Variants in MAGI2 observed in about 807,000 individuals in gnomAD.
The protein encoded by MAGI2 is membrane associated guanylate kinase, WW and PDZ domain containing 2.
Under a neutral mutation model 133.3 loss-of-function variants are expected in MAGI2, and 35 were observed. The observed-to-expected ratio is 0.26, with a 90% CI of 0.20 to 0.35. The LOEUF (loss-of-function observed/expected upper bound fraction) is 0.35. MAGI2 is among the 10% of genes least tolerant of loss of function. The probability of loss-of-function intolerance (pLI) is 1.00; values close to 1 mark genes in which losing one functional copy is unlikely to be tolerated. For synonymous variants in MAGI2, 729 were observed against 710.6 expected (o/e 1.03, Z -0.41); for missense variants, 1,636 against 1,863.4 (o/e 0.88, Z 2.25).
chr7:78,546,676 A>ATC lies in MAGI2; in HGVS notation c.539-25033_539-25032dup, dbSNP rs3086440. Among the ~76,000 whole-genome samples the ATC allele has an allele frequency of 6.4e-3, 968 of 150,728 alleles. 3 individuals carry two copies. The highest frequency in any genetic ancestry group is 9.7e-3 in the Non-Finnish European group (659 of 67,632). On this transcript the variant is annotated intron_variant, in intron 3 of 21. Coordinates refer to ENST00000354212, the MANE Select transcript of MAGI2 (RefSeq NM_012301.4). ...ATCACACCCGTTGTCAAAGATCCTC[A>ATC]TCTCTCTCTCTCTCTCTCTCTCTCT... is the stretch of plus-strand genomic sequence containing the variant.
chr7:78,026,082 G>A (rs1411666146), intron 21 of MAGI2: 1 of 152,524 alleles, frequency 6.6e-6, no homozygotes, highest in African/African-American at 2.4e-5. Flanking sequence ...CCTATTGTCA[G>A]TTCTAGCCAG....
chr7:79,343,064 T>C (rs66650670), intron 1 of MAGI2, among the ~76,000 whole-genome samples: 47,146 of 151,946 alleles, frequency 0.31, 7,611 homozygotes, highest in Admixed American at 0.38. Flanking sequence ...ATGCCCGGCC[T>C]GAGGAAGCAC....
chr7:78,203,115 G>A (rs1157033387), intron 10 of MAGI2, among the ~76,000 whole-genome samples: 1 of 152,104 alleles, frequency 6.6e-6, no homozygotes, highest in African/African-American at 2.4e-5. Context: ...GCACTTTTGC[G>A]AAAAGATGTC....
chr7:78,104,273 A>C (rs1190483609), intron 20 of MAGI2, among the ~76,000 whole-genome samples: 3 of 152,106 alleles, frequency 2.0e-5, no homozygotes, highest in African/African-American at 4.8e-5. Flanking sequence ...CCCAGGCTGG[A>C]CTGCAGTGGC....
chr7:78,571,663 T>A (rs1244057528), intron 3 of MAGI2, among the ~76,000 whole-genome samples: 3 of 152,054 alleles, frequency 2.0e-5, no homozygotes, highest in Admixed American at 2.0e-4. Context: ...TCTTGAAATG[T>A]TAGGTTTGAT....
chr7:78,703,839 C>T (rs901963746), intron 2 of MAGI2, among the ~76,000 whole-genome samples: 1 of 151,972 alleles, frequency 6.6e-6, no homozygotes, highest in African/African-American at 2.4e-5. Context: ...CACAAACACA[C>T]ACACACACAC....
At chr7:78,458,638 G>GCTTT (rs201088493) in intron 6 of MAGI2, among the ~76,000 whole-genome samples, 1 of 134,840 alleles carries the variant, frequency 7.4e-6, no homozygotes. Context: ...TTTTTTGTTA[G>GCTTT]GTTTTTTTTT....
chr7:78,469,030 T>C (rs139984776), intron 6 of MAGI2, among the ~76,000 whole-genome samples: 179 of 152,266 alleles, frequency 1.2e-3, no homozygotes, highest in Middle Eastern at 3.4e-3. Flanking sequence ...AAATAAACAA[T>C]AAACCAGTGA....
intron 9 of MAGI2, among the ~76,000 whole-genome samples, chr7:78,324,158 T>TAC (rs151095024): frequency 0.058 from 8,003 of 138,826 alleles, 502 homozygotes; most frequent in African/African-American, 0.17. Flanking sequence ...CACTACACAC[T>TAC]ACACTACACT....
rs117235086 is a variant in MAGI2 at position 78,799,412 on chromosome 7, A to T, written c.419-172173T>A. On this transcript the variant is annotated intron_variant, in intron 2 of 21. Coordinates refer to ENST00000354212, the MANE Select transcript of MAGI2 (RefSeq NM_012301.4). Reference sequence around the variant, plus strand: ...ATGAATGTCAAAATGATTTACTGAAAATAACTGAAGCCGTACTTATTAATG... The same window carrying T: ...ATGAATGTCAAAATGATTTACTGAATATAACTGAAGCCGTACTTATTAATG... 8.5e-3 allele frequency among the ~76,000 whole-genome samples: 1,297 copies of T among 152,278 alleles called. 42 individuals are homozygous for T. The highest frequency in any genetic ancestry group is 0.05 in the Admixed American group (769 of 15,288).
At chr7:79,118,601 C>T (rs1819606663) in intron 1 of MAGI2, among the ~76,000 whole-genome samples, 1 of 152,128 alleles carries the variant, frequency 6.6e-6, no homozygotes, top group Non-Finnish European at 1.5e-5. Context: ...AAGCAGAAAA[C>T]TCTGGTGATA....
chr7:78,277,051 T>C lies in MAGI2; in HGVS notation c.1409-20470A>G, dbSNP rs189750038. 7.2e-5 allele frequency among the ~76,000 whole-genome samples: 11 copies of C among 152,328 alleles called. No homozygotes were observed. In the East Asian group the frequency reaches 1.9e-3, roughly 27 times the overall value. The stretch of plus-strand genomic sequence containing the variant: ...GTTCTATTTTTACTAATTTAACTAC[T>C]AGTTGTAGTTTCTAATCAGCATGAG... On this transcript the variant is annotated intron_variant, in intron 9 of 21. Transcript: ENST00000354212.
At chr7:78,993,686 T>A (rs565824199) in intron 2 of MAGI2, among the ~76,000 whole-genome samples, 25 of 152,140 alleles carry the variant, frequency 1.6e-4, no homozygotes, top group African/African-American at 5.5e-4. Context: ...CTTCTTCTGT[T>A]GTTCTTTCAG....
chr7:78,172,092 T>C (rs997472722), intron 14 of MAGI2, among the ~76,000 whole-genome samples: 1 of 152,162 alleles, frequency 6.6e-6, no homozygotes, highest in Non-Finnish European at 1.5e-5. Flanking sequence ...AAACAGAACA[T>C]TTGATGTGAA....
chr7:79,201,906 A>G (rs1828647969), intron 1 of MAGI2, among the ~76,000 whole-genome samples: 1 of 152,134 alleles, frequency 6.6e-6, no homozygotes, highest in South Asian at 2.1e-4. Context: ...TAAGACTCAT[A>G]GCATACTTTT....
intron 21 of MAGI2, among the ~76,000 whole-genome samples, chr7:78,042,184 T>C (rs1472982399): frequency 1.3e-5 from 2 of 152,210 alleles, no homozygotes. Context: ...AGAGGTTTGC[T>C]GTTGACTCCA....
At chr7:79,227,056 C>T (rs1585253907) in intron 1 of MAGI2, among the ~76,000 whole-genome samples, 2 of 152,066 alleles carry the variant, frequency 1.3e-5, no homozygotes, top group African/African-American at 2.4e-5. Context: ...TGCACTTAAA[C>T]AGTCAATATT....
intron 2 of MAGI2, among the ~76,000 whole-genome samples, chr7:78,762,869 G>GA (rs992746049): frequency 3.3e-5 from 5 of 152,080 alleles, no homozygotes; most frequent in African/African-American, 7.2e-5. Context: ...TCCAGACAGT[G>GA]AAAAAAATGG....
At position 78,535,939 on chromosome 7, in the gene MAGI2, T is replaced by A. The variant is rs1456344192; in HGVS notation, c.539-14294A>T. ...CTCAGCACAAGAGGACAGCTTCAAC[T>A]CCCTGTGATTTATCTTCCGCCGGAC... is the stretch of plus-strand genomic sequence containing the variant. On this transcript the variant is annotated intron_variant, in intron 3 of 21. Transcript: ENST00000354212. 2.9e-5 allele frequency among the ~76,000 whole-genome samples: 4 copies of A among 136,032 alleles called. No individual in the cohort carries two copies. The Admixed American group carries it at 3.0e-4, about 10-fold the overall frequency. The allele number at this position is 136,032 out of a possible 152,430, so 89.2% of individuals were successfully genotyped here. A position where few individuals can be genotyped will look rare whatever the true frequency, so the allele number is the denominator to read the frequency against.
Sources: allele counts gnomAD v4.1 joint callset (sites outside exome capture counted in the v4.1 genomes callset), GRCh38; gene constraint gnomAD v4.1.1; transcripts MANE v1.5; gene names NCBI Gene and HGNC (gene_info 2026-07-23, HGNC 2026-07-21).